The following ZYX variants were observed in gnomAD, a reference collection of about 807,000 sequenced individuals.
ZYX encodes the protein zyxin, also known as zyxin-2.
A neutral mutation model predicts 58.1 loss-of-function variants in ZYX; 37 were observed. The observed-to-expected ratio is 0.64, with a 90% CI of 0.49 to 0.84. The LOEUF is 0.84. ZYX is among the 40% of genes least tolerant of loss of function. The pLI, the probability that ZYX is intolerant of heterozygous loss-of-function variation, is 0.00. For missense variants in ZYX, 762 were observed against 761.6 expected, an observed-to-expected ratio of 1.00 and a Z score of -0.01; for synonymous variants, 324 against 321.1, an observed-to-expected ratio of 1.01 and a Z score of -0.10.
intron 5 of ZYX, among the ~76,000 whole-genome samples, chr7:143,385,435 A>G (rs908026150): frequency 6.6e-6 from 1 of 151,106 alleles, no homozygotes; most frequent in Non-Finnish European, 1.5e-5. Flanking sequence ...GCATGAATGT[A>G]TGAGTGGCGT....
chr7:143,382,953 C>T lies in ZYX; in HGVS notation c.654C>T (p.Ser218=), dbSNP rs747131008. Residue 218 remains serine, a synonymous_variant, in exon 5 of 10, where the codon AGC becomes AGT. Coordinates refer to ENST00000322764, the MANE Select transcript of ZYX (RefSeq NM_003461.5). ...PLPQVPAPAQ[S]QTQFHVQPQP... ...CCCAGGTTCCGGCTCCGGCTCAGAG[C>T]CAGACACAGTTCCATGTTCAGCCCC... is the stretch of plus-strand genomic sequence containing the variant. 2.5e-6 allele frequency: 4 copies of T among 1,613,792 alleles called. No homozygotes were observed. In the South Asian group the frequency reaches 4.4e-5, roughly 18 times the overall value.
rs369900456 is a variant in ZYX, at chr7:143,390,027, G to A, written c.1614+50G>A. The stretch of plus-strand genomic sequence containing the variant: ...GGGCAGGTTCTGACCAGGAGGTGGC[G>A]GGAGATGCTGCTTACTAACTGGGAG... On this transcript the variant is annotated intron_variant, in intron 9 of 9. Coordinates refer to ENST00000322764, the MANE Select transcript of ZYX (RefSeq NM_003461.5). The surrounding 1 kb of genome is among the most constrained non-coding windows in gnomAD (Gnocchi z 4.3). 38 of 1,601,560 alleles carry A rather than the reference G, an allele frequency of 2.4e-5. No homozygotes were observed. Among genetic ancestry groups the A allele is most frequent in the Admixed American group, 2.4e-4 (14 of 59,284 alleles).
intron 1 of ZYX, 32 bp from the exon 2 acceptor site, chr7:143,381,525 T>C (rs1218167182): frequency 7.6e-6 from 12 of 1,580,890 alleles, no homozygotes; most frequent in Non-Finnish European, 9.5e-6. Context: ...TGAGCCCGGC[T>C]CCGCGCTGCG....
chr7:143,383,337 T>A lies in ZYX; in HGVS notation c.1023+15T>A. On this transcript the variant is annotated intron_variant, in intron 5 of 9. Coordinates refer to ENST00000322764, the MANE Select transcript of ZYX (RefSeq NM_003461.5). The stretch of plus-strand genomic sequence containing the variant: ...ACCAAAACCAGGTGAGGGATGGTGA[T>A]AGGACAAGGCTTGGTACCAGGGCAC... The A allele has an allele frequency of 6.3e-7, 1 of 1,586,074 alleles. No individual in the cohort carries two copies. Among genetic ancestry groups the A allele is most frequent in the Non-Finnish European group, 8.6e-7 (1 of 1,168,130 alleles).
At position 143,387,614 on chromosome 7, in the gene ZYX, G is replaced by C; in HGVS notation, c.1024-605G>C. 1 of 446,292 alleles carries C rather than the reference G, an allele frequency of 2.2e-6. No individual in the cohort carries two copies. The highest frequency in any genetic ancestry group is 2.4e-5 in the Admixed American group (1 of 41,396). 27.6% of individuals were successfully genotyped at this position (446,292 alleles called of 1,614,324 possible). ...GGGTGGCCTTTGGACCTTCTCTGAG[G>C]CTGCTGGGGAGGGACCTGAGTGAGG... On this transcript the variant is annotated intron_variant, in intron 5 of 9. Transcript: ENST00000322764. The surrounding 1 kb of genome is among the most constrained non-coding windows in gnomAD (Gnocchi z 5.8).
Position 143,390,641 on chromosome 7 carries a change from G to A in ZYX, c.1678G>A (p.Val560Met), listed in dbSNP as rs747069930. The change falls in exon 10 of 10, where the codon GTG becomes ATG. Residue 560 changes from valine to methionine, a missense_variant. Coordinates refer to ENST00000322764, the MANE Select transcript of ZYX (RefSeq NM_003461.5). This position sits in a 1 kb window ranked among gnomAD's most constrained non-coding sequence, Gnocchi z 4.3. ...TGGCTGCTTCCCCCTGGACGGTCAC[G>A]TGCTCTGTCGGAAGTGCCACACTGC... ...DNGCFPLDGH[V>M]LCRKCHTARA... is the part of the protein sequence containing the mutation. The A allele has an allele frequency of 8.2e-6, 13 of 1,588,124 alleles. No homozygotes were observed. The highest frequency in any genetic ancestry group is 6.8e-5 in the East Asian group (3 of 43,990).
At position 143,381,776 on chromosome 7, in the gene ZYX, G is replaced by A; in HGVS notation, c.205G>A (p.Glu69Lys). 1 of 1,570,520 alleles carries A rather than the reference G, an allele frequency of 6.4e-7. No homozygotes were observed. Among genetic ancestry groups the A allele is most frequent in the Non-Finnish European group, 8.6e-7 (1 of 1,158,478 alleles). ...RVGEIPPPPP[E>K]DFPLPPPPLA... ...GGGCGAGATTCCCCCGCCGCCCCCG[G>A]AAGGTATGCGGCGGGGCTTGGGGAA... The change falls in exon 2 of 10, where the codon GAA (glutamate) becomes AAA (lysine). Residue 69 changes from glutamate to lysine, a missense_variant. Coordinates refer to ENST00000322764, the MANE Select transcript of ZYX (RefSeq NM_003461.5).
In ZYX at chr7:143,384,785, G is replaced by T. The variant is rs1804795255; in HGVS notation, c.1023+1463G>T. ...AGCACGATTTGGAGATGGGGTGTGG[G>T]CGGATGGCAGGATTGCTGACAAAAT... On this transcript the variant is annotated intron_variant, in intron 5 of 9. Coordinates refer to ENST00000322764, the MANE Select transcript of ZYX (RefSeq NM_003461.5). The surrounding 1 kb of genome is among the most constrained non-coding windows in gnomAD (Gnocchi z 4.9). 1.3e-5 allele frequency among the ~76,000 whole-genome samples: 2 copies of T among 152,150 alleles called. No homozygotes were observed. Among genetic ancestry groups the T allele is most frequent in the African/African-American group, 4.8e-5 (2 of 41,426 alleles).
chr7:143,391,096 A>C lies in ZYX; in HGVS notation c.*414A>C, dbSNP rs979918977. 12 of 311,864 alleles carry C rather than the reference A, an allele frequency of 3.8e-5. No individual in the cohort carries two copies. The highest frequency in any genetic ancestry group is 1.3e-4 in the African/African-American group (6 of 46,352). The allele number at this position is 311,864 out of a possible 1,614,324, so 19.3% of individuals were successfully genotyped here. A position where few individuals can be genotyped will look rare whatever the true frequency, so the allele number is the denominator to read the frequency against. On this transcript the variant is annotated 3_prime_UTR_variant, in exon 10 of 10. Coordinates refer to ENST00000322764, the MANE Select transcript of ZYX (RefSeq NM_003461.5). Reference sequence around the variant, plus strand: ...TAGCTATAGCTACAAATAAAAAAAAACCTTGTTTTCCAGAATTCTCAGTAG... The same window carrying C: ...TAGCTATAGCTACAAATAAAAAAAACCCTTGTTTTCCAGAATTCTCAGTAG...
chr7:143,383,962 T>C, intron 5 of ZYX: 1 of 261,964 alleles, frequency 3.8e-6, no homozygotes, highest in Non-Finnish European at 7.8e-6. Flanking sequence ...ATCTTTAACA[T>C]TCTCTACTCC....
chr7:143,388,491 C>T lies in ZYX; in HGVS notation c.1147C>T (p.Leu383Phe). ...GCTGTCTTCTCTGGCCTTCCCAGAA[C>T]TCTGCGGCCGATGCCATCAACCCCT... ...PQRQNVAVNELCGRCHQPLAR... is the reference protein window; with the variant it reads ...PQRQNVAVNEFCGRCHQPLAR... Residue 383 changes from leucine (L) to phenylalanine (F), a missense_variant and splice_region_variant, in exon 7 of 10, where the codon CTC becomes TTC. Transcript: ENST00000322764. This position sits in a 1 kb window ranked among gnomAD's most constrained non-coding sequence, Gnocchi z 7.5. 6.2e-7 allele frequency: 1 copy of T among 1,610,150 alleles called. No individual in the cohort carries two copies. Among genetic ancestry groups the T allele is most frequent in the Non-Finnish European group, 8.5e-7 (1 of 1,179,332 alleles).
chr7:143,388,815 A>G lies in ZYX; in HGVS notation c.1363A>G (p.Met455Val), dbSNP rs929104308. The G allele has an allele frequency of 1.9e-6, 3 of 1,613,910 alleles. No homozygotes were observed. Among genetic ancestry groups the G allele is most frequent in the African/African-American group, 1.3e-5 (1 of 74,892 alleles). The change falls in exon 8 of 10, where the codon ATG (methionine) becomes GTG (valine). Residue 455 changes from methionine to valine, a missense_variant. Coordinates refer to ENST00000322764, the MANE Select transcript of ZYX (RefSeq NM_003461.5). This position sits in a 1 kb window ranked among gnomAD's most constrained non-coding sequence, Gnocchi z 7.5. ...NTCGEPITDR[M>V]LRATGKAYHP... ...CTGCGGGGAGCCCATCACTGACCGC[A>G]TGCTGAGGGCCACGGGCAAGGCCTA...
chr7:143,385,719 C>A (rs1804839475), intron 5 of ZYX, among the ~76,000 whole-genome samples: 1 of 116,546 alleles, frequency 8.6e-6, no homozygotes, highest in South Asian at 3.1e-4. Context: ...CCCATGCTTA[C>A]TACAACCTCC....
chr7:143,384,778 G>C lies in ZYX; in HGVS notation c.1023+1456G>C, dbSNP rs1030872000. Among the ~76,000 whole-genome samples the C allele has an allele frequency of 6.6e-6, 1 of 152,148 alleles. No homozygotes were observed. The highest frequency in any genetic ancestry group is 1.5e-5 in the Non-Finnish European group (1 of 68,040). On this transcript the variant is annotated intron_variant, in intron 5 of 9. Coordinates refer to ENST00000322764, the MANE Select transcript of ZYX (RefSeq NM_003461.5). This position sits in a 1 kb window ranked among gnomAD's most constrained non-coding sequence, Gnocchi z 4.9. ...AGTCTCCAGCACGATTTGGAGATGGGGTGTGGGCGGATGGCAGGATTGCTG... is the reference window on the plus strand; with the variant it reads ...AGTCTCCAGCACGATTTGGAGATGGCGTGTGGGCGGATGGCAGGATTGCTG...
At chr7:143,382,089 C>A in intron 2 of ZYX, 159 bp from the exon 3 acceptor site, 2 of 659,530 alleles carry the variant, frequency 3.0e-6, no homozygotes, top group Non-Finnish European at 2.5e-6. Context: ...CTTTCCTGAC[C>A]TGGTACTCCC....
intron 1 of ZYX, 24 bp downstream of exon 1, chr7:143,381,433 C>A (rs897646493): frequency 2.4e-6 from 3 of 1,265,928 alleles, no homozygotes; most frequent in Non-Finnish European, 3.0e-6. Flanking sequence ...AGCGGCAGGG[C>A]GGCCCCACGG....
At chr7:143,383,428 G>GGGGGTTGC in intron 5 of ZYX, 106 bp downstream of exon 5, 1 of 1,360,566 alleles carries the variant, frequency 7.3e-7, no homozygotes, top group Non-Finnish European at 9.7e-7. Context: ...GGGTGGACAC[G>GGGGGTTGC]GGGGTTGCGG....
At position 143,382,262 on chromosome 7, in the gene ZYX, C is replaced by T. The variant is rs1197288848; in HGVS notation, c.223C>T (p.Pro75Ser). The change falls in exon 3 of 10, where the codon CCA (proline) becomes TCA (serine). Residue 75 changes from proline (P) to serine (S), a missense_variant. Transcript: ENST00000322764. ...TCCTACCCCAGACTTTCCCCTGCCT[C>T]CACCTCCCCTTGCTGGGGATGGCGA... ...PPPPEDFPLPPPPLAGDGDDA... is the reference protein window; with the variant it reads ...PPPPEDFPLPSPPLAGDGDDA... The T allele has an allele frequency of 3.1e-6, 5 of 1,612,738 alleles. No individual in the cohort carries two copies. In the African/African-American group the frequency reaches 4.0e-5, roughly 13 times the overall value.
rs779467711 is a variant in ZYX at position 143,387,341 on chromosome 7, G to A, written c.1024-878G>A. The stretch of plus-strand genomic sequence containing the variant: ...AGGTTCCAGGTGTTATGGGAATGAA[G>A]GCATCTGCAGGTAGCACACTCAGTG... On this transcript the variant is annotated intron_variant, in intron 5 of 9. Coordinates refer to ENST00000322764, the MANE Select transcript of ZYX (RefSeq NM_003461.5). This position sits in a 1 kb window ranked among gnomAD's most constrained non-coding sequence, Gnocchi z 5.8. Among the ~76,000 whole-genome samples, 3 of 152,082 alleles carry A rather than the reference G, an allele frequency of 2.0e-5. No individual in the cohort carries two copies. Among genetic ancestry groups the A allele is most frequent in the Non-Finnish European group, 2.9e-5 (2 of 68,002 alleles).
Sources: gnomAD v4.1 joint callset for allele counts (sites outside exome capture counted in the v4.1 genomes callset) on GRCh38, gnomAD v4.1.1 for gene constraint, Gnocchi (gnomAD v3.1) non-coding constraint, MANE v1.5 for transcripts, NCBI Gene and HGNC (gene_info 2026-07-23, HGNC 2026-07-21) for gene names.